SCAP: variants seen among roughly 807,000 people sequenced by gnomAD.
SCAP encodes the protein SREBF chaperone, also known as sterol regulatory element-binding protein cleavage-activating protein.
In SCAP, 65 loss-of-function variants were observed where a neutral mutation model predicts 123.6. The ratio of observed to expected loss-of-function variants is 0.53; its 90% CI spans 0.43 to 0.65. The LOEUF (loss-of-function observed/expected upper bound fraction) is 0.65. Among genes scored for constraint, SCAP ranks in the 30% least tolerant of loss-of-function variants. The pLI, the probability that SCAP is intolerant of heterozygous loss-of-function variation, is 0.00. For synonymous variants in SCAP, 740 were observed against 726.3 expected, an observed-to-expected ratio of 1.02 and a Z score of -0.30; for missense variants, 1,398 against 1,712.5, an observed-to-expected ratio of 0.82 and a Z score of 3.24.
At chr3:47,415,829 G>C (rs2107748878) in intron 18 of SCAP, among the ~76,000 whole-genome samples, 1 of 152,340 alleles carries the variant, frequency 6.6e-6, no homozygotes, top group Non-Finnish European at 1.5e-5. Flanking sequence ...GCCTGCACCA[G>C]AGCTGGGGAA....
intron 1 of SCAP, among the ~76,000 whole-genome samples, chr3:47,467,039 G>T (rs1048541664): frequency 6.6e-6 from 1 of 151,236 alleles, no homozygotes; most frequent in African/African-American, 2.4e-5. Flanking sequence ...GCTGCAATGA[G>T]CCAACACTGT....
chr3:47,462,273 T>C (rs1332076944), intron 1 of SCAP, among the ~76,000 whole-genome samples: 2 of 152,172 alleles, frequency 1.3e-5, no homozygotes, highest in Admixed American at 6.6e-5. Context: ...CTTTTTCTTT[T>C]AACAAGTTTA....
At chr3:47,414,448 T>TTACA in intron 21 of SCAP, 62 bp from the exon 22 acceptor site, 1 of 1,602,170 alleles carries the variant, frequency 6.2e-7, no homozygotes, top group Non-Finnish European at 8.5e-7. Flanking sequence ...AACAGTGGTG[T>TTACA]CCCTGTGCCC....
In SCAP at chr3:47,451,543, G is replaced by A. The variant is rs756274524; in HGVS notation, c.-98-8452C>T. 2.5e-5 allele frequency among the ~76,000 whole-genome samples: 3 copies of A among 119,146 alleles called. 1 individual carries two copies. Among genetic ancestry groups the A allele is most frequent in the African/African-American group, 5.8e-5 (2 of 34,648 alleles). 78.2% of individuals were successfully genotyped at this position (119,146 alleles called of 152,430 possible). A position where few individuals can be genotyped will look rare whatever the true frequency, so the allele number is the denominator to read the frequency against. On this transcript the variant is annotated intron_variant, in intron 1 of 22. Coordinates refer to ENST00000265565, the MANE Select transcript of SCAP (RefSeq NM_012235.4). ...CTCCCAAGTAGCTAGGACTATAGGC[G>A]TGCACCACCACACCCAACGAAATGT...
chr3:47,454,291 CCGG>C (rs1707331501), intron 1 of SCAP, among the ~76,000 whole-genome samples: 1 of 151,498 alleles, frequency 6.6e-6, no homozygotes, highest in Admixed American at 6.6e-5. Flanking sequence ...GGTGTGAACC[CCGG>C]GGGACGGAGC....
intron 3 of SCAP, among the ~76,000 whole-genome samples, chr3:47,429,608 C>T (rs557083276): frequency 6.6e-6 from 1 of 152,304 alleles, no homozygotes; most frequent in East Asian, 1.9e-4. Flanking sequence ...TTTGGCCTCC[C>T]GAAGTGCCAC....
intron 1 of SCAP, among the ~76,000 whole-genome samples, chr3:47,447,613 G>A (rs377031065): frequency 1.2e-4 from 18 of 151,576 alleles, no homozygotes; most frequent in East Asian, 7.8e-4. Flanking sequence ...GCTTAAACCC[G>A]GGAGGCGGAG....
chr3:47,418,082 G>A lies in SCAP; in HGVS notation c.2447+52C>T, dbSNP rs1705709214. The A allele has an allele frequency of 2.2e-6, 3 of 1,348,642 alleles. No individual in the cohort carries two copies. In the East Asian group the frequency reaches 7.8e-5, roughly 35 times the overall value. The allele number at this position is 1,348,642 out of a possible 1,614,324, so 83.5% of individuals were successfully genotyped here. On this transcript the variant is annotated intron_variant, in intron 16 of 22. Coordinates refer to ENST00000265565, the MANE Select transcript of SCAP (RefSeq NM_012235.4). ...GGGGAGATACGTGGCGGCGGGGGGT[G>A]GGGTGAGGGGGGTTGTGGGGGCACA...
At chr3:47,438,316 C>T (rs1037329653) in intron 2 of SCAP, among the ~76,000 whole-genome samples, 4 of 152,154 alleles carry the variant, frequency 2.6e-5, no homozygotes, top group Non-Finnish European at 4.4e-5. Context: ...TCTTTACCTA[C>T]ACTCAAAAAC....
intron 1 of SCAP, among the ~76,000 whole-genome samples, chr3:47,448,909 T>C (rs1386366699): frequency 6.6e-6 from 1 of 152,224 alleles, no homozygotes; most frequent in Non-Finnish European, 1.5e-5. Context: ...TCTGAATTAC[T>C]GGACATTTTG....
intron 16 of SCAP, 34 bp from the exon 17 acceptor site, chr3:47,417,860 C>CGGGGGCGGG: frequency 1.5e-6 from 1 of 653,204 alleles, no homozygotes; most frequent in Non-Finnish European, 2.1e-6. Context: ...AGAGGGGGCA[C>CGGGGGCGGG]GGGGGAGGGG....
At chr3:47,473,612 G>GC (rs1708153828) in intron 1 of SCAP, among the ~76,000 whole-genome samples, 1 of 152,116 alleles carries the variant, frequency 6.6e-6, no homozygotes, top group South Asian at 2.1e-4. Flanking sequence ...TAAAACACTG[G>GC]CAACCACCAA....
chr3:47,422,441 C>T lies in SCAP; in HGVS notation c.1245+1G>A. 6.2e-7 allele frequency: 1 copy of T among 1,613,004 alleles called. No homozygotes were observed. Among genetic ancestry groups the T allele is most frequent in the Non-Finnish European group, 8.5e-7 (1 of 1,179,472 alleles). On this transcript the variant is annotated splice_donor_variant, in intron 10 of 22. Transcript: ENST00000265565. LOFTEE classifies it high-confidence loss of function. ...CCAGGTGGCAGGCCTTGGGGCCTTA[C>T]CTGGATGGCGGGCACTAGGGTGAAG...
intron 8 of SCAP, 147 bp downstream of exon 8, chr3:47,425,338 G>T: frequency 1.2e-6 from 1 of 834,026 alleles, no homozygotes; most frequent in Non-Finnish European, 1.8e-6. Flanking sequence ...CAAAGAAGAG[G>T]AAGAAAATGT....
chr3:47,430,788 A>G (rs1282167387), intron 3 of SCAP, among the ~76,000 whole-genome samples: 3 of 152,196 alleles, frequency 2.0e-5, no homozygotes, highest in Admixed American at 6.5e-5. Context: ...TGAAGGGGGC[A>G]GGGCCCAGCC....
intron 8 of SCAP, 73 bp downstream of exon 8, chr3:47,425,412 C>G: frequency 4.6e-6 from 7 of 1,521,534 alleles, no homozygotes; most frequent in Non-Finnish European, 6.2e-6. Context: ...CAGGGAAGGC[C>G]AAGAACCCAG....
intron 18 of SCAP, among the ~76,000 whole-genome samples, chr3:47,416,323 G>A (rs1031292697): frequency 5.9e-5 from 9 of 152,218 alleles, no homozygotes; most frequent in Non-Finnish European, 8.8e-5. Flanking sequence ...GAGTACTGGG[G>A]ACGCCCACAG....
chr3:47,428,813 T>C (rs1706246840), intron 3 of SCAP, 143 bp from the exon 4 acceptor site: 9 of 831,652 alleles, frequency 1.1e-5, no homozygotes, highest in Non-Finnish European at 1.6e-5. Context: ...TTCTTGAGTT[T>C]GCAGGATGGC....
In SCAP at chr3:47,427,232, C is replaced by A. The variant is rs762378697; in HGVS notation, c.662G>T (p.Ser221Ile). The A allele has an allele frequency of 6.2e-7, 1 of 1,613,724 alleles. No individual in the cohort carries two copies. The highest frequency in any genetic ancestry group is 1.7e-5 in the Admixed American group (1 of 59,994). ...CTTCCTGGTGTAGAGGCTCACCCCG[C>A]TGTACTTCCCAGGAACACCAAATAA... ...DLLFGVPGKY[S>I]GVSLYTRKRM... is the part of the protein sequence containing the mutation. Residue 221 changes from serine (S) to isoleucine (I), a missense_variant, in exon 6 of 23, where the codon AGC becomes ATC. Transcript: ENST00000265565.
Sources: gnomAD v4.1 joint callset for allele counts (sites outside exome capture counted in the v4.1 genomes callset) on GRCh38, gnomAD v4.1.1 for gene constraint, MANE v1.5 for transcripts, NCBI Gene and HGNC (gene_info 2026-07-23, HGNC 2026-07-21) for gene names.